The following LARGE1 variants were observed in gnomAD, a reference collection of about 807,000 sequenced individuals.
The protein encoded by LARGE1 is xylosyl- and glucuronyltransferase LARGE1.
A neutral mutation model predicts 87.6 loss-of-function variants in LARGE1; 43 were observed. That is an observed-to-expected ratio of 0.49 (90% CI 0.38 to 0.63). The LOEUF (loss-of-function observed/expected upper bound fraction) is 0.63, where lower values mean the gene tolerates loss of function less well. LARGE1 is among the 30% of genes least tolerant of loss of function. LARGE1 has a pLI of 0.00. For missense variants in LARGE1, 802 were observed against 1,000.2 expected (o/e 0.80, Z 2.67); for synonymous variants, 434 against 394.6 (o/e 1.10, Z -1.18).
At chr22:33,860,381 A>C (rs12159281) in intron 1 of LARGE1, among the ~76,000 whole-genome samples, 31,994 of 152,132 alleles carry the variant, frequency 0.21, 4,104 homozygotes, top group East Asian at 0.33. Context: ...AGTCTAACCC[A>C]TAGCACCTGG....
intron 10 of LARGE1, among the ~76,000 whole-genome samples, chr22:33,328,100 G>C (rs1390894009): frequency 6.6e-6 from 1 of 152,148 alleles, no homozygotes; most frequent in Non-Finnish European, 1.5e-5. Flanking sequence ...AAGTACTATG[G>C]AGAAAAATGA....
At chr22:33,486,390 T>C (rs2069575391) in intron 6 of LARGE1, among the ~76,000 whole-genome samples, 1 of 152,204 alleles carries the variant, frequency 6.6e-6, no homozygotes, top group Non-Finnish European at 1.5e-5. Context: ...GTTTACAAAG[T>C]GCTTTTGCTT....
intron 1 of LARGE1, among the ~76,000 whole-genome samples, chr22:33,841,171 G>A (rs1431928055): frequency 1.3e-5 from 2 of 152,102 alleles, no homozygotes; most frequent in Non-Finnish European, 2.9e-5. Flanking sequence ...TTCAACTTAC[G>A]ATGGGTTTAG....
Position 33,362,171 on chromosome 22 carries a change from C to A in LARGE1, c.1131+19748G>T, listed in dbSNP as rs186514402. On this transcript the variant is annotated intron_variant, in intron 9 of 14. Transcript: ENST00000397394. ...CTTCTCTTTTTAATTTAAGACTCAG[C>A]CAGGGAAGGCTGAGTTATCAAGCGT... is the stretch of plus-strand genomic sequence containing the variant. 2.7e-5 allele frequency among the ~76,000 whole-genome samples: 4 copies of A among 148,896 alleles called. No individual in the cohort carries two copies. In the East Asian group the frequency reaches 5.8e-4, roughly 22 times the overall value.
In LARGE1 at chr22:33,731,942, C is replaced by T. The variant is rs1324447934; in HGVS notation, c.106+29429G>A. Among the ~76,000 whole-genome samples, 3 of 152,150 alleles carry T rather than the reference C, an allele frequency of 2.0e-5. No individual in the cohort carries two copies. In the East Asian group the frequency reaches 5.8e-4, roughly 29 times the overall value. On this transcript the variant is annotated intron_variant, in intron 2 of 14. Coordinates refer to ENST00000397394, the MANE Select transcript of LARGE1 (RefSeq NM_133642.5). ...TCAGTAATTAATCTACTTAAAAGTCCTTGTATTCAGACCATATTTCGCTAC... is the reference window on the plus strand; with the variant it reads ...TCAGTAATTAATCTACTTAAAAGTCTTTGTATTCAGACCATATTTCGCTAC...
At chr22:33,204,838 G>C (rs1240183434) in intron 11 of LARGE1, among the ~76,000 whole-genome samples, 1 of 151,832 alleles carries the variant, frequency 6.6e-6, no homozygotes, top group East Asian at 1.9e-4. Flanking sequence ...TACTATAGAA[G>C]GGTTCTGTTG....
At chr22:33,300,555 T>G (rs1748263826) in intron 12 of LARGE1, among the ~76,000 whole-genome samples, 2 of 152,114 alleles carry the variant, frequency 1.3e-5, no homozygotes, top group South Asian at 4.1e-4. Flanking sequence ...TTTTTCTTTT[T>G]TTTGGAGATG....
intron 9 of LARGE1, among the ~76,000 whole-genome samples, chr22:33,352,324 C>T (rs1940467969): frequency 6.6e-6 from 1 of 152,168 alleles, no homozygotes; most frequent in South Asian, 2.1e-4. Context: ...AAGACTGTGA[C>T]ATTATGACAG....
intron 10 of LARGE1, among the ~76,000 whole-genome samples, chr22:33,333,371 C>T (rs1937998821): frequency 6.6e-6 from 1 of 152,094 alleles, no homozygotes; most frequent in African/African-American, 2.4e-5. Flanking sequence ...ATTTCATCCT[C>T]TACCTTGAGT....
chr22:33,704,207 T>C lies in LARGE1; in HGVS notation c.107-53539A>G, dbSNP rs551229283. On this transcript the variant is annotated intron_variant, in intron 2 of 14. Transcript: ENST00000397394. ...ATGTATACTGTATAAAACAAAGGAA[T>C]ATGGAAGGCTATTTTATGCCTCCAA... Among the ~76,000 whole-genome samples, 5 of 152,344 alleles carry C rather than the reference T, an allele frequency of 3.3e-5. 1 individual carries two copies. The South Asian group carries it at 1.0e-3, about 32-fold the overall frequency.
intron 2 of LARGE1, among the ~76,000 whole-genome samples, chr22:33,670,629 A>C (rs2081381744): frequency 6.6e-6 from 1 of 152,180 alleles, no homozygotes; most frequent in Admixed American, 6.5e-5. Flanking sequence ...TCACAGTTTC[A>C]ACATTAGAAT....
chr22:33,514,118 T>C (rs911104269), intron 6 of LARGE1, among the ~76,000 whole-genome samples: 1 of 152,194 alleles, frequency 6.6e-6, no homozygotes, highest in South Asian at 2.1e-4. Context: ...GTTTGCACAA[T>C]GATGCAATCA....
chr22:33,219,555 A>G (rs1264438532), intron 11 of LARGE1, among the ~76,000 whole-genome samples: 1 of 152,246 alleles, frequency 6.6e-6, no homozygotes, highest in Non-Finnish European at 1.5e-5. Context: ...ATCAGGCAGC[A>G]TTGCATAGGT....
intron 9 of LARGE1, among the ~76,000 whole-genome samples, chr22:33,381,125 G>C (rs2065141762): frequency 6.6e-6 from 1 of 152,222 alleles, no homozygotes; most frequent in African/African-American, 2.4e-5. Flanking sequence ...TGAGGGGACA[G>C]AGGACATCTA....
At chr22:33,203,417 T>A (rs951219165) in intron 11 of LARGE1, among the ~76,000 whole-genome samples, 7 of 152,088 alleles carry the variant, frequency 4.6e-5, no homozygotes, top group East Asian at 1.9e-4. Context: ...TGCCACCCTG[T>A]GTTCAGATAC....
chr22:33,147,784 T>C, the LARGE1 span, among the ~76,000 whole-genome samples: 1 of 152,202 alleles, frequency 6.6e-6, no homozygotes, highest in African/African-American at 2.4e-5. Context: ...TATAAATTCA[T>C]ATAACTTCCA....
intron 6 of LARGE1, among the ~76,000 whole-genome samples, chr22:33,439,810 G>T (rs1292422711): frequency 6.6e-6 from 1 of 152,128 alleles, no homozygotes; most frequent in Non-Finnish European, 1.5e-5. Context: ...CTACAAAATA[G>T]GTGTGACCCC....
intron 11 of LARGE1, among the ~76,000 whole-genome samples, chr22:33,259,343 C>T (rs957383481): frequency 7.8e-6 from 1 of 128,402 alleles, no homozygotes; most frequent in Admixed American, 7.3e-5. Flanking sequence ...CACACACACA[C>T]ACACAAACAC....
the LARGE1 span, among the ~76,000 whole-genome samples, chr22:33,102,299 G>T: frequency 6.6e-6 from 1 of 151,928 alleles, no homozygotes; most frequent in African/African-American, 2.4e-5. Context: ...CTCCCGAGTA[G>T]CTGGGACTAC....
Sources: allele counts gnomAD v4.1 joint callset (sites outside exome capture counted in the v4.1 genomes callset), GRCh38; gene constraint gnomAD v4.1.1; transcripts MANE v1.5; gene names NCBI Gene and HGNC (gene_info 2026-07-23, HGNC 2026-07-21).